HMGXB4: variants seen among roughly 807,000 people sequenced by gnomAD.
HMGXB4 encodes the protein HMG domain-containing protein 4.
In HMGXB4, 27 loss-of-function variants were observed where a neutral mutation model predicts 63.9. The ratio of observed to expected loss-of-function variants is 0.42; its 90% CI spans 0.31 to 0.58. The LOEUF (loss-of-function observed/expected upper bound fraction) is 0.58. Among genes scored for constraint, HMGXB4 ranks in the 20% least tolerant of loss-of-function variants. The pLI is 0.13. For missense variants in HMGXB4, 624 were observed against 700.7 expected (o/e 0.89, Z 1.24); for synonymous variants, 264 against 265.3 (o/e 0.99, Z 0.05).
intron 5 of HMGXB4, among the ~76,000 whole-genome samples, chr22:35,272,818 C>T (rs542125812): frequency 2.0e-5 from 3 of 152,312 alleles, no homozygotes; most frequent in Admixed American, 1.3e-4. Flanking sequence ...CCTGTAATCC[C>T]AGCTACTCAG....
At chr22:35,263,928 T>G (rs1281807220) in intron 4 of HMGXB4, 54 bp downstream of exon 4, 2 of 1,599,132 alleles carry the variant, frequency 1.3e-6, no homozygotes, top group Non-Finnish European at 1.7e-6. Context: ...GTTCTTGGAG[T>G]CGGGGTAGGG....
chr22:35,276,874 G>A (rs977641940), intron 5 of HMGXB4, among the ~76,000 whole-genome samples: 1 of 152,108 alleles, frequency 6.6e-6, no homozygotes, highest in Non-Finnish European at 1.5e-5. Context: ...GTCTGATAAA[G>A]GTCAAATGAT....
At chr22:35,287,923 G>C (rs1924693082) in intron 8 of HMGXB4, among the ~76,000 whole-genome samples, 1 of 151,726 alleles carries the variant, frequency 6.6e-6, no homozygotes, top group Non-Finnish European at 1.5e-5. Flanking sequence ...ACTCCAGCCT[G>C]GGCAACAAGA....
At chr22:35,278,894 AAAAT>A (rs1924066882) in intron 5 of HMGXB4, among the ~76,000 whole-genome samples, 1 of 134,248 alleles carries the variant, frequency 7.4e-6, no homozygotes, top group African/African-American at 2.5e-5. Flanking sequence ...AAAAAAAAAA[AAAAT>A]TAGCCAGGCA....
intron 9 of HMGXB4, among the ~76,000 whole-genome samples, chr22:35,290,228 T>G (rs1157809401): frequency 6.6e-6 from 1 of 152,226 alleles, no homozygotes; most frequent in African/African-American, 2.4e-5. Flanking sequence ...CCCAGATATT[T>G]CCATTTAGTT....
At chr22:35,285,021 C>A (rs534355723) in intron 6 of HMGXB4, among the ~76,000 whole-genome samples, 1 of 152,354 alleles carries the variant, frequency 6.6e-6, no homozygotes, top group African/African-American at 2.4e-5. Flanking sequence ...TCTAATCATT[C>A]AGAAATTTGG....
At chr22:35,259,712 T>C (rs569342488) in intron 1 of HMGXB4, among the ~76,000 whole-genome samples, 1 of 152,332 alleles carries the variant, frequency 6.6e-6, no homozygotes, top group African/African-American at 2.4e-5. Context: ...GCTGATACAG[T>C]CCGTTGTGTT....
intron 5 of HMGXB4, among the ~76,000 whole-genome samples, chr22:35,276,922 A>G (rs1226536070): frequency 6.6e-6 from 1 of 152,260 alleles, no homozygotes; most frequent in African/African-American, 2.4e-5. Context: ...TTTATTTTTT[A>G]AAAAGCTTAT....
intron 5 of HMGXB4, among the ~76,000 whole-genome samples, chr22:35,276,209 C>T (rs137910408): frequency 1.3e-5 from 2 of 152,322 alleles, no homozygotes; most frequent in East Asian, 3.9e-4. Context: ...TGTAAGTAGT[C>T]AGAGTTTCCC....
Position 35,262,398 on chromosome 22 carries a change from A to T in HMGXB4, c.8A>T (p.Tyr3Phe), listed in dbSNP as rs148332890. 6.8e-6 allele frequency: 11 copies of T among 1,614,120 alleles called. No homozygotes were observed. Among genetic ancestry groups the T allele is most frequent in the Non-Finnish European group, 8.5e-6 (10 of 1,179,950 alleles). Residue 3 changes from tyrosine to phenylalanine, a missense_variant, in exon 2 of 11, where the codon TAT becomes TTT. Transcript: ENST00000216106. MA[Y>F]DDSVKKEDCF... ...AGGCCCTGCAGGACCACCATGGCTTATGATGACTCCGTGAAGAAAGAAGGT... is the reference window on the plus strand; with the variant it reads ...AGGCCCTGCAGGACCACCATGGCTTTTGATGACTCCGTGAAGAAAGAAGGT...
chr22:35,280,501 C>T (rs1036180172), intron 5 of HMGXB4, among the ~76,000 whole-genome samples: 1 of 152,202 alleles, frequency 6.6e-6, no homozygotes, highest in Non-Finnish European at 1.5e-5. Flanking sequence ...TCCCAACCCA[C>T]TGTCTTGATT....
chr22:35,283,102 TTG>T (rs1488932295), intron 5 of HMGXB4, among the ~76,000 whole-genome samples: 11 of 152,252 alleles, frequency 7.2e-5, no homozygotes, highest in Admixed American at 2.6e-4. Context: ...TACCAAAGAA[TTG>T]TCTTCAGTTA....
At chr22:35,254,588 C>T (rs1469060168), upstream of HMGXB4, among the ~76,000 whole-genome samples, 1 of 152,212 alleles carries the variant, frequency 6.6e-6, no homozygotes. Context: ...TTCTCCACCT[C>T]TGATTATCAC....
rs185349991 is a variant in HMGXB4, at chr22:35,268,540, C to T, written c.1215+2937C>T. Among the ~76,000 whole-genome samples the T allele has an allele frequency of 2.0e-5, 3 of 152,212 alleles. No individual in the cohort carries two copies. In the East Asian group the frequency reaches 5.8e-4, roughly 29 times the overall value. ...AAGTAGCACCTTGATGACGGCAGTCCTGTGTTCTGCATCTTCAGTGGATTC... is the reference window on the plus strand; with the variant it reads ...AAGTAGCACCTTGATGACGGCAGTCTTGTGTTCTGCATCTTCAGTGGATTC... On this transcript the variant is annotated intron_variant, in intron 5 of 10. Transcript: ENST00000216106.
intron 3 of HMGXB4, among the ~76,000 whole-genome samples, chr22:35,263,475 G>A: frequency 6.6e-6 from 1 of 151,932 alleles, no homozygotes; most frequent in Non-Finnish European, 1.5e-5. Flanking sequence ...CAGAGACAGG[G>A]TTTCACCATG....
intron 9 of HMGXB4, among the ~76,000 whole-genome samples, chr22:35,290,772 TTTAC>T (rs1172948962): frequency 5.3e-5 from 8 of 152,158 alleles, no homozygotes; most frequent in African/African-American, 1.7e-4. Flanking sequence ...ACTTAATACT[TTTAC>T]TTACTTTATA....
In HMGXB4 at chr22:35,264,823, G is replaced by A. The variant is rs926577181; in HGVS notation, c.435G>A (p.Lys145=). ...SGSSSHSESK[K]EHHRKKVSGS... ...CTTCAAGCCATTCGGAGAGTAAAAA[G>A]GAGCACCACAGGAAGAAAGTCAGTG... The change falls in exon 5 of 11, where the codon AAG becomes AAA. Residue 145 remains lysine, a synonymous_variant. Coordinates refer to ENST00000216106, the MANE Select transcript of HMGXB4 (RefSeq NM_001003681.3). 5 of 1,614,110 alleles carry A rather than the reference G, an allele frequency of 3.1e-6. No individual in the cohort carries two copies. The highest frequency in any genetic ancestry group is 3.4e-6 in the Non-Finnish European group (4 of 1,180,018).
intron 5 of HMGXB4, among the ~76,000 whole-genome samples, chr22:35,275,116 T>C (rs1175549021): frequency 5.9e-5 from 2 of 33,618 alleles, no homozygotes; most frequent in Non-Finnish European, 1.2e-4. Flanking sequence ...ATTTCTTTTT[T>C]TTTTTTTTTT....
chr22:35,269,937 C>T (rs183827638), intron 5 of HMGXB4, among the ~76,000 whole-genome samples: 2 of 152,080 alleles, frequency 1.3e-5, no homozygotes, highest in Non-Finnish European at 1.5e-5. Flanking sequence ...GTGATTGTGC[C>T]ACTGCACTCT....
Sources: gnomAD v4.1 joint callset for allele counts (sites outside exome capture counted in the v4.1 genomes callset) on GRCh38, gnomAD v4.1.1 for gene constraint, MANE v1.5 for transcripts, NCBI Gene and HGNC (gene_info 2026-07-23, HGNC 2026-07-21) for gene names.